CPD: variants seen among roughly 807,000 people sequenced by gnomAD.
CPD encodes carboxypeptidase D.
CPD carries 69 observed loss-of-function variants against 138.3 expected under a neutral mutation model. The ratio of observed to expected loss-of-function variants is 0.50; its 90% CI spans 0.41 to 0.61. The LOEUF is 0.61. Among genes scored for constraint, CPD ranks in the 20% least tolerant of loss-of-function variants. CPD has a pLI of 0.00. For missense variants in CPD, 1,432 were observed against 1,733.3 expected, an observed-to-expected ratio of 0.83 and a Z score of 3.09; for synonymous variants, 651 against 642.1, an observed-to-expected ratio of 1.01 and a Z score of -0.21.
Position 30,424,707 on chromosome 17 carries a change from A to C in CPD, c.1849+1010A>C, listed in dbSNP as rs962170686. 2.0e-5 allele frequency among the ~76,000 whole-genome samples: 3 copies of C among 152,220 alleles called. No homozygotes were observed. The South Asian group carries it at 6.2e-4, about 31-fold the overall frequency. On this transcript the variant is annotated intron_variant, in intron 6 of 20. Coordinates refer to ENST00000225719, the MANE Select transcript of CPD (RefSeq NM_001304.5). ...TCTCATTTCTTTGCCTTCCCTGGGC[A>C]AGCCCATCTCTCCTGGGGCGTTATA...
chr17:30,392,431 C>CT (rs1163914695), intron 2 of CPD, among the ~76,000 whole-genome samples: 3 of 151,982 alleles, frequency 2.0e-5, no homozygotes, highest in South Asian at 4.1e-4. Flanking sequence ...ATTATTTGAA[C>CT]TTTTTTTTCT....
At chr17:30,436,682 T>C (rs1214932748) in intron 8 of CPD, among the ~76,000 whole-genome samples, 1 of 152,198 alleles carries the variant, frequency 6.6e-6, no homozygotes, top group Non-Finnish European at 1.5e-5. Flanking sequence ...TGTAAAATGG[T>C]ATAACTGCTT....
chr17:30,441,768 A>G, intron 9 of CPD, among the ~76,000 whole-genome samples: 1 of 135,628 alleles, frequency 7.4e-6, no homozygotes, highest in African/African-American at 2.8e-5. Context: ...AGCCCACTTG[A>G]TCATGGTGGA....
At position 30,427,445 on chromosome 17, in the gene CPD, G is replaced by T. The variant is rs746161892; in HGVS notation, c.1904G>T (p.Arg635Leu). 1.9e-6 allele frequency: 3 copies of T among 1,614,076 alleles called. No individual in the cohort carries two copies. The highest frequency in any genetic ancestry group is 1.7e-5 in the Admixed American group (1 of 60,018). Residue 635 changes from arginine (R) to leucine (L), a missense_variant, in exon 7 of 21, where the codon CGA becomes CTA. Physicochemically the swap from Arg to Leu is moderately radical, Grantham distance 102. Around this residue, in one of 6 missense-constraint regions of CPD, gnomAD observed 297 missense variants for 405.3 expected, o/e 0.73. Coordinates refer to ENST00000225719, the MANE Select transcript of CPD (RefSeq NM_001304.5). ...AACAGCAACAACTTTGACCTGAACC[G>T]AAATTTCCCAGACCAGTTTGTTCAG... Reference protein sequence around the residue: ...RNNSNNFDLNRNFPDQFVQIT... With the variant: ...RNNSNNFDLNLNFPDQFVQIT...
chr17:30,445,742 G>T lies in CPD; in HGVS notation c.2595G>T (p.Gln865His). ...CTGTCAAGAGTGAAGGCGCTATTCA[G>T]GTCAACTTCACACTTGTTCGATCCT... is the stretch of plus-strand genomic sequence containing the variant. ...NVTVKSEGAI[Q>H]VNFTLVRSST... Residue 865 changes from glutamine to histidine, a missense_variant, in exon 12 of 21, where the codon CAG becomes CAT. This residue lies in a region of CPD where 124 missense variants were observed against 117.0 expected (regional missense o/e 1.06). Transcript: ENST00000225719. 1 of 1,613,432 alleles carries T rather than the reference G, an allele frequency of 6.2e-7. No individual in the cohort carries two copies. Among genetic ancestry groups the T allele is most frequent in the Non-Finnish European group, 8.5e-7 (1 of 1,179,790 alleles).
chr17:30,461,274 C>T lies in CPD; in HGVS notation c.3593C>T (p.Ala1198Val). 6.2e-7 allele frequency: 1 copy of T among 1,610,954 alleles called. No homozygotes were observed. Among genetic ancestry groups the T allele is most frequent in the Non-Finnish European group, 8.5e-7 (1 of 1,178,602 alleles). The change falls in exon 18 of 21, where the codon GCA becomes GTA. Residue 1198 changes from alanine (A) to valine (V), a missense_variant. By Grantham distance (64) the Ala-to-Val change is moderately conservative. Around this residue, in one of 6 missense-constraint regions of CPD, gnomAD observed 366 missense variants for 518.8 expected, o/e 0.71. Transcript: ENST00000225719. Reference protein sequence around the residue: ...PSAARLPSLWADNKRSLLSML... With the variant: ...PSAARLPSLWVDNKRSLLSML... The stretch of plus-strand genomic sequence containing the variant: ...GCTGCACGACTCCCTTCCTTGTGGG[C>T]AGACAATAAGAGATCTCTTCTTAGT...
chr17:30,427,379 CA>C lies in CPD; in HGVS notation c.1850-11del. ...CATGGCTTATATTCAAATCCTTTAT[CA>C]TATCATACAGGAGATTCAATAAGTG... On this transcript the variant is annotated splice_polypyrimidine_tract_variant and intron_variant, in intron 6 of 20. Transcript: ENST00000225719. The C allele has an allele frequency of 6.2e-7, 1 of 1,610,974 alleles. No individual in the cohort carries two copies.
At chr17:30,451,174 T>C (rs890443915) in intron 13 of CPD, among the ~76,000 whole-genome samples, 1 of 152,222 alleles carries the variant, frequency 6.6e-6, no homozygotes, top group African/African-American at 2.4e-5. Context: ...AACCCACGTA[T>C]GTCTACTTTG....
intron 2 of CPD, among the ~76,000 whole-genome samples, chr17:30,391,132 CTTTTTT>C (rs5819898): frequency 2.6e-5 from 3 of 114,852 alleles, no homozygotes; most frequent in Non-Finnish European, 1.8e-5. Flanking sequence ...GCCTGGCCGC[CTTTTTT>C]TTTTTTTTTT....
intron 10 of CPD, 91 bp downstream of exon 10, chr17:30,442,541 A>G: frequency 8.3e-7 from 1 of 1,206,854 alleles, no homozygotes; most frequent in Non-Finnish European, 1.2e-6. Context: ...ATTTTGGAAT[A>G]CACTCTTTAA....
intron 11 of CPD, among the ~76,000 whole-genome samples, chr17:30,444,699 T>C (rs757157283): frequency 1.2e-4 from 19 of 152,026 alleles, no homozygotes; most frequent in Non-Finnish European, 2.4e-4. Context: ...AATTTTTGTA[T>C]TTTTAGTAGA....
Position 30,420,585 on chromosome 17 carries a change from T to C in CPD, c.995-256T>C, listed in dbSNP as rs185853562. On this transcript the variant is annotated intron_variant, in intron 2 of 20. Transcript: ENST00000225719. The stretch of plus-strand genomic sequence containing the variant: ...TTATTGTTACTGGTATTAACTGATA[T>C]ATTCATACTTTTTATAACTGCTCAT... Among the ~76,000 whole-genome samples, 606 of 152,362 alleles carry C rather than the reference T, an allele frequency of 4.0e-3. 1 individual carries two copies. Among genetic ancestry groups the C allele is most frequent in the Non-Finnish European group, 5.4e-3 (364 of 68,036 alleles).
At chr17:30,402,904 C>G (rs1358077556) in intron 2 of CPD, among the ~76,000 whole-genome samples, 1 of 151,928 alleles carries the variant, frequency 6.6e-6, no homozygotes, top group East Asian at 1.9e-4. Flanking sequence ...GTCAAGAATT[C>G]AAGACCAGCC....
intron 15 of CPD, 24 bp from the exon 16 acceptor site, chr17:30,456,232 A>C (rs1171081090): frequency 6.4e-7 from 1 of 1,563,122 alleles, no homozygotes. Context: ...TTCTCCACTG[A>C]CTTCTAAATT....
At chr17:30,443,720 C>A in intron 10 of CPD, 82 bp from the exon 11 acceptor site, 1 of 1,302,354 alleles carries the variant, frequency 7.7e-7, no homozygotes, top group Non-Finnish European at 1.0e-6. Flanking sequence ...TGTTGACAAT[C>A]TGTTATTTTG....
intron 2 of CPD, among the ~76,000 whole-genome samples, chr17:30,412,326 T>C (rs1911988911): frequency 6.6e-6 from 1 of 152,212 alleles, no homozygotes; most frequent in African/African-American, 2.4e-5. Context: ...TCAGTCTACA[T>C]GGGATCAGGG....
At chr17:30,446,610 A>G (rs1372491406) in intron 12 of CPD, among the ~76,000 whole-genome samples, 2 of 152,282 alleles carry the variant, frequency 1.3e-5, no homozygotes, top group East Asian at 1.9e-4. Flanking sequence ...AGTCTTTGCT[A>G]TTGTGAATAG....
At chr17:30,414,403 G>A (rs571423957) in intron 2 of CPD, among the ~76,000 whole-genome samples, 300 of 152,044 alleles carry the variant, frequency 2.0e-3, no homozygotes, top group Non-Finnish European at 2.3e-3. Flanking sequence ...GTGAAACCCC[G>A]TCTCTACTAA....
chr17:30,423,473 A>G (rs764121628), intron 5 of CPD, 33 bp from the exon 6 acceptor site: 49 of 1,441,514 alleles, frequency 3.4e-5, no homozygotes, highest in Non-Finnish European at 4.5e-5. Flanking sequence ...TAAGAAGGAA[A>G]AAAAGCCTTC....
Sources: allele counts gnomAD v4.1 joint callset (sites outside exome capture counted in the v4.1 genomes callset), GRCh38; gene constraint gnomAD v4.1.1; regional missense constraint gnomAD v4.1.1; transcripts MANE v1.5; gene names NCBI Gene and HGNC (gene_info 2026-07-23, HGNC 2026-07-21).